The following LRRC37A2 variants were observed in gnomAD, a reference collection of about 807,000 sequenced individuals.
LRRC37A2 encodes leucine rich repeat containing 37 member A2, also known as leucine-rich repeat-containing protein 37A2.
Under a neutral mutation model 68.8 loss-of-function variants are expected in LRRC37A2, and 9 were observed. The ratio of observed to expected loss-of-function variants is 0.13; its 90% CI spans 0.08 to 0.23. The LOEUF (loss-of-function observed/expected upper bound fraction) is 0.23, where lower values mean the gene tolerates loss of function less well. LRRC37A2 is among the 10% of genes least tolerant of loss of function. The pLI is 1.00. For synonymous variants in LRRC37A2, 63 were observed against 367.6 expected (o/e 0.17, Z 9.48); for missense variants, 168 against 950.4 (o/e 0.18, Z 10.82).
At chr17:46,984,504 A>G in the LRRC37A2 span, among the ~76,000 whole-genome samples, 1 of 152,206 alleles carries the variant, frequency 6.6e-6, no homozygotes, top group African/African-American at 2.4e-5. Flanking sequence ...CCTCCACCTC[A>G]GGGACAAGTC....
At chr17:46,974,492 T>C in the LRRC37A2 span, among the ~76,000 whole-genome samples, 3 of 152,144 alleles carry the variant, frequency 2.0e-5, no homozygotes, top group Non-Finnish European at 4.4e-5. Flanking sequence ...CCCAGCACTT[T>C]GGGAGGCCGA....
chr17:46,971,590 TTTCA>T, the LRRC37A2 span, among the ~76,000 whole-genome samples: 2 of 152,084 alleles, frequency 1.3e-5, no homozygotes, highest in African/African-American at 4.8e-5. Context: ...TGTAGGAGCT[TTTCA>T]TGCACTTTCT....
At chr17:47,021,129 G>A in the LRRC37A2 span, among the ~76,000 whole-genome samples, 2 of 152,180 alleles carry the variant, frequency 1.3e-5, no homozygotes, top group African/African-American at 4.8e-5. Context: ...AGCTACAGGA[G>A]TTTGAAAGTT....
chr17:46,708,086 T>C, the LRRC37A2 span, among the ~76,000 whole-genome samples: 1 of 152,016 alleles, frequency 6.6e-6, no homozygotes, highest in Non-Finnish European at 1.5e-5. Flanking sequence ...TTGTTATCCA[T>C]TCCTCTGTCA....
intron 8 of LRRC37A2, among the ~76,000 whole-genome samples, chr17:46,543,258 ATT>A (rs916841810): frequency 6.6e-6 from 1 of 150,574 alleles, no homozygotes; most frequent in Admixed American, 6.6e-5. Context: ...AGGCCAGCTC[ATT>A]TGAGTCTTGG....
At chr17:46,925,802 T>C in the LRRC37A2 span, among the ~76,000 whole-genome samples, 1 of 152,236 alleles carries the variant, frequency 6.6e-6, no homozygotes, top group South Asian at 2.1e-4. Context: ...TAGATTGACA[T>C]ATTAAAGTTA....
the LRRC37A2 span, chr17:46,917,414 AAAC>A: frequency 6.6e-6 from 1 of 152,290 alleles, no homozygotes; most frequent in Non-Finnish European, 1.5e-5. Context: ...CCAACAGGGA[AAAC>A]AACATTAAGT....
At chr17:46,539,768 CAAAAAAAAAA>C (rs1204528686) in intron 6 of LRRC37A2, among the ~76,000 whole-genome samples, 1 of 67,036 alleles carries the variant, frequency 1.5e-5, no homozygotes, top group Non-Finnish European at 2.7e-5. Context: ...GACTCCATCT[CAAAAAAAAAA>C]AAAAAAAAAA....
At chr17:46,754,281 G>C in the LRRC37A2 span, among the ~76,000 whole-genome samples, 1 of 147,252 alleles carries the variant, frequency 6.8e-6, no homozygotes, top group African/African-American at 2.5e-5. Flanking sequence ...TCTTACCTTT[G>C]ATACATTTGA....
chr17:46,941,950 A>ACC, the LRRC37A2 span: 1 of 985,186 alleles, frequency 1.0e-6, no homozygotes, highest in Non-Finnish European at 1.2e-6. Flanking sequence ...CTTCTGTCTC[A>ACC]AAGATGATCA....
the LRRC37A2 span, among the ~76,000 whole-genome samples, chr17:46,749,005 A>AG: frequency 2.3e-4 from 35 of 152,202 alleles, no homozygotes; most frequent in Non-Finnish European, 4.4e-4. Flanking sequence ...TGGTGGGGGA[A>AG]GGGGGGTAGT....
the LRRC37A2 span, among the ~76,000 whole-genome samples, chr17:46,962,609 T>C: frequency 1.3e-5 from 2 of 152,194 alleles, no homozygotes; most frequent in Admixed American, 1.3e-4. Context: ...AGAAGCCACA[T>C]GGAGGAAATG....
the LRRC37A2 span, among the ~76,000 whole-genome samples, chr17:46,896,269 G>A: frequency 1.4e-5 from 2 of 139,892 alleles, no homozygotes; most frequent in Non-Finnish European, 3.3e-5. Flanking sequence ...ACTGCAGCCT[G>A]GGCAACAGAG....
the LRRC37A2 span, chr17:46,931,014 T>G: frequency 1.3e-6 from 1 of 797,602 alleles, no homozygotes; most frequent in South Asian, 1.4e-5. Context: ...TTATTGGATA[T>G]TGAAAAAAAA....
At chr17:47,024,362 G>A in the LRRC37A2 span, among the ~76,000 whole-genome samples, 1 of 152,090 alleles carries the variant, frequency 6.6e-6, no homozygotes, top group Non-Finnish European at 1.5e-5. Flanking sequence ...GGAAATGGAG[G>A]TTCTGCTGAT....
chr17:46,685,270 A>G, the LRRC37A2 span, among the ~76,000 whole-genome samples: 2 of 147,628 alleles, frequency 1.4e-5, no homozygotes, highest in Non-Finnish European at 3.0e-5. Context: ...CAATTTAAAT[A>G]TTAAACTACT....
the LRRC37A2 span, among the ~76,000 whole-genome samples, chr17:46,501,456 T>A: frequency 1.4e-4 from 21 of 151,366 alleles, no homozygotes; most frequent in Non-Finnish European, 2.4e-4. Context: ...ACTACAGGTG[T>A]GGGCCACCAC....
At chr17:46,721,647 A>G in the LRRC37A2 span, 2 of 1,597,940 alleles carry the variant, frequency 1.3e-6, no homozygotes, top group Non-Finnish European at 1.7e-6. Flanking sequence ...TAGACACCAG[A>G]AAAAGTTTCA....
chr17:46,789,293 CT>C, the LRRC37A2 span, among the ~76,000 whole-genome samples: 2 of 152,214 alleles, frequency 1.3e-5, no homozygotes, highest in Non-Finnish European at 2.9e-5. Context: ...ATTCTATGCT[CT>C]TCAGAAAACC....
Sources: gnomAD v4.1 joint callset for allele counts (sites outside exome capture counted in the v4.1 genomes callset) on GRCh38, gnomAD v4.1.1 for gene constraint, MANE v1.5 for transcripts, NCBI Gene and HGNC (gene_info 2026-07-23, HGNC 2026-07-21) for gene names.